CCSER1: variants seen among roughly 807,000 people sequenced by gnomAD.
CCSER1 encodes the protein coiled-coil serine rich protein 1.
CCSER1 carries 41 observed loss-of-function variants against 82.0 expected under a neutral mutation model. The ratio of observed to expected loss-of-function variants is 0.50; its 90% confidence interval spans 0.39 to 0.65. The LOEUF (loss-of-function observed/expected upper bound fraction) is 0.65. Ranked by LOEUF, CCSER1 falls within the 30% of genes least tolerant of loss-of-function variation. The probability of loss-of-function intolerance (pLI) is 0.00; values close to 1 mark genes in which losing one functional copy is unlikely to be tolerated. For missense variants in CCSER1, 1,119 were observed against 1,064.2 expected, an observed-to-expected ratio of 1.05 and a Z score of -0.72; for synonymous variants, 414 against 383.9, an observed-to-expected ratio of 1.08 and a Z score of -0.92.
At chr4:90,667,480 C>T (rs568567812) in intron 6 of CCSER1, among the ~76,000 whole-genome samples, 3 of 152,128 alleles carry the variant, frequency 2.0e-5, no homozygotes, top group Non-Finnish European at 4.4e-5. Context: ...TCTTCTAATG[C>T]TATCCCTCCC....
intron 1 of CCSER1, among the ~76,000 whole-genome samples, chr4:90,289,708 G>T (rs1039021746): frequency 2.0e-5 from 3 of 151,838 alleles, no homozygotes; most frequent in African/African-American, 7.2e-5. Flanking sequence ...TCAAGAATTT[G>T]ATGTCTTAAA....
At chr4:90,192,114 AT>A (rs1286127414) in intron 1 of CCSER1, among the ~76,000 whole-genome samples, 5 of 152,050 alleles carry the variant, frequency 3.3e-5, no homozygotes, top group African/African-American at 1.2e-4. Context: ...AATTGGACTT[AT>A]GGTTCCACGT....
At chr4:90,699,422 G>A (rs1737601706) in intron 6 of CCSER1, among the ~76,000 whole-genome samples, 1 of 152,146 alleles carries the variant, frequency 6.6e-6, no homozygotes, top group Non-Finnish European at 1.5e-5. Context: ...TCAGGATCAA[G>A]CAATGTTAAT....
intron 9 of CCSER1, among the ~76,000 whole-genome samples, chr4:91,010,165 A>G (rs1386797160): frequency 6.6e-6 from 1 of 152,146 alleles, no homozygotes; most frequent in Non-Finnish European, 1.5e-5. Flanking sequence ...TTTGCTGGAT[A>G]TAGTGTTCCC....
At chr4:90,148,048 C>T (rs978556737) in intron 1 of CCSER1, among the ~76,000 whole-genome samples, 1 of 151,980 alleles carries the variant, frequency 6.6e-6, no homozygotes, top group African/African-American at 2.4e-5. Context: ...GCTTGTAATC[C>T]CAGCTACTTG....
At chr4:90,942,014 A>G (rs1731652993) in intron 9 of CCSER1, among the ~76,000 whole-genome samples, 1 of 151,950 alleles carries the variant, frequency 6.6e-6, no homozygotes, top group Non-Finnish European at 1.5e-5. Flanking sequence ...AAGTGGTGCG[A>G]TCTTGACCCT....
rs181725881 is a variant in CCSER1 at position 91,162,119 on chromosome 4, T to C, written c.2217+76125T>C. Among the ~76,000 whole-genome samples the C allele has an allele frequency of 2.0e-3, 305 of 152,300 alleles. 1 individual carries two copies. Among genetic ancestry groups the C allele is most frequent in the Non-Finnish European group, 2.9e-3 (194 of 68,016 alleles). ...AGATACATTCCATCAATACCTAGTT[T>C]ATTGAGAGTTTTTAGCATGAAGCAC... On this transcript the variant is annotated intron_variant, in intron 10 of 10. Transcript: ENST00000509176.
intron 7 of CCSER1, among the ~76,000 whole-genome samples, chr4:90,760,507 A>C (rs1298898235): frequency 6.6e-6 from 1 of 151,974 alleles, no homozygotes; most frequent in African/African-American, 2.4e-5. Context: ...AAATCCAATA[A>C]TACTATTTAT....
chr4:91,382,114 G>A (rs1750944273), intron 10 of CCSER1, among the ~76,000 whole-genome samples: 1 of 152,170 alleles, frequency 6.6e-6, no homozygotes. Context: ...CGTTCCTCTG[G>A]AAGCTTTGTC....
intron 4 of CCSER1, among the ~76,000 whole-genome samples, chr4:90,458,748 G>A (rs1412672358): frequency 6.6e-6 from 1 of 152,172 alleles, no homozygotes; most frequent in Non-Finnish European, 1.5e-5. Context: ...TACTTAGAAG[G>A]AGCAGACTAC....
intron 10 of CCSER1, among the ~76,000 whole-genome samples, chr4:91,424,430 T>A (rs917549620): frequency 3.3e-5 from 5 of 152,116 alleles, no homozygotes; most frequent in African/African-American, 1.2e-4. Context: ...AATATCTGGG[T>A]CAACAGTTAT....
At chr4:90,968,213 T>TAAA (rs1734757592) in intron 9 of CCSER1, among the ~76,000 whole-genome samples, 1 of 151,072 alleles carries the variant, frequency 6.6e-6, no homozygotes, top group Non-Finnish European at 1.5e-5. Flanking sequence ...TAACATAAAA[T>TAAA]AATAATAATA....
intron 1 of CCSER1, among the ~76,000 whole-genome samples, chr4:90,240,231 A>T (rs907813212): frequency 2.4e-4 from 36 of 152,216 alleles, no homozygotes; most frequent in Admixed American, 2.2e-3. Context: ...TCCAGGGAAG[A>T]GTATGGGGCC....
chr4:90,571,332 A>C (rs577926833), intron 5 of CCSER1, among the ~76,000 whole-genome samples: 3 of 152,360 alleles, frequency 2.0e-5, no homozygotes, highest in Non-Finnish European at 4.4e-5. Context: ...AGCAACCTAG[A>C]TGCCCATCAG....
intron 1 of CCSER1, among the ~76,000 whole-genome samples, chr4:90,147,665 G>A (rs78387881): frequency 0.016 from 2,424 of 152,040 alleles, 32 homozygotes; most frequent in Non-Finnish European, 0.024. Flanking sequence ...AATTATTTCA[G>A]GTTTGAAAAT....
At chr4:90,900,054 T>C (rs1724369745) in intron 8 of CCSER1, among the ~76,000 whole-genome samples, 1 of 151,098 alleles carries the variant, frequency 6.6e-6, no homozygotes, top group Admixed American at 6.6e-5. Flanking sequence ...CTTCTTTGCC[T>C]ATCTGATAGA....
chr4:91,427,630 A>T (rs1030501693), intron 10 of CCSER1, among the ~76,000 whole-genome samples: 10 of 152,148 alleles, frequency 6.6e-5, no homozygotes, highest in Non-Finnish European at 1.5e-4. Context: ...TGAAACTGAG[A>T]TGAAAATAAT....
intron 10 of CCSER1, among the ~76,000 whole-genome samples, chr4:91,176,309 TC>T (rs1265487035): frequency 3.9e-5 from 6 of 152,244 alleles, no homozygotes; most frequent in African/African-American, 7.2e-5. Context: ...CAATGTGGTC[TC>T]TTTTTTGGTT....
At chr4:91,296,128 C>A (rs1744143115) in intron 10 of CCSER1, among the ~76,000 whole-genome samples, 6 of 151,566 alleles carry the variant, frequency 4.0e-5, no homozygotes, top group Non-Finnish European at 8.8e-5. Context: ...GTGTATAATG[C>A]CTTTCTAAAA....
Sources: gnomAD v4.1 joint callset for allele counts (sites outside exome capture counted in the v4.1 genomes callset) on GRCh38, gnomAD v4.1.1 for gene constraint, MANE v1.5 for transcripts, NCBI Gene and HGNC (gene_info 2026-07-23, HGNC 2026-07-21) for gene names.